The following PHF12 variants were observed in gnomAD, a reference collection of about 807,000 sequenced individuals.
The protein encoded by PHF12 is PHD finger protein 12.
A neutral mutation model predicts 99.8 loss-of-function variants in PHF12; 6 were observed. The ratio of observed to expected loss-of-function variants is 0.06; its 90% confidence interval spans 0.03 to 0.12. The LOEUF is 0.12. Among genes scored for constraint, PHF12 ranks in the 10% least tolerant of loss-of-function variants. The pLI is 1.00. For synonymous variants in PHF12, 480 were observed against 514.9 expected, an observed-to-expected ratio of 0.93 and a Z score of 0.92; for missense variants, 954 against 1,300.1, an observed-to-expected ratio of 0.73 and a Z score of 4.09.
chr17:28,950,386 T>A lies in PHF12; in HGVS notation c.67-140A>T. On this transcript the variant is annotated intron_variant, in intron 1 of 14. Coordinates refer to ENST00000332830, the MANE Select transcript of PHF12 (RefSeq NM_001033561.2). This position sits in a 1 kb window ranked among gnomAD's most constrained non-coding sequence, Gnocchi z 5.7. ...TCCCATCCAGGCTGCTCCCAGAATC[T>A]CTCAGCCCCCGGAACCAGGGGGAGC... is the stretch of plus-strand genomic sequence containing the variant. 2 of 980,814 alleles carry A rather than the reference T, an allele frequency of 2.0e-6. No homozygotes were observed. Among genetic ancestry groups the A allele is most frequent in the Non-Finnish European group, 2.9e-6 (2 of 687,064 alleles). 60.8% of individuals were successfully genotyped at this position (980,814 alleles called of 1,614,324 possible).
At position 28,951,296 on chromosome 17, in the gene PHF12, C is replaced by A. The variant is rs989036690; in HGVS notation, c.-336G>T. The A allele has an allele frequency of 2.0e-5, 22 of 1,108,432 alleles. No homozygotes were observed. The highest frequency in any genetic ancestry group is 2.3e-5 in the Non-Finnish European group (21 of 906,090). 68.7% of individuals were successfully genotyped at this position (1,108,432 alleles called of 1,614,324 possible). A position where few individuals can be genotyped will look rare whatever the true frequency, so the allele number is the denominator to read the frequency against. ...CAGCCGGTCCGGCCGGGAAGGCTGG[C>A]GGGCGCTGCCATCCCGGGGCTGGGG... On this transcript the variant is annotated 5_prime_UTR_variant, in exon 1 of 15. Transcript: ENST00000332830.
rs182252834 is a variant in PHF12, at chr17:28,946,642, A to T, written c.248+3423T>A. Among the ~76,000 whole-genome samples the T allele has an allele frequency of 4.6e-5, 7 of 152,362 alleles. No homozygotes were observed. The East Asian group carries it at 1.3e-3, about 29-fold the overall frequency. On this transcript the variant is annotated intron_variant, in intron 2 of 14. Transcript: ENST00000332830. ...AAAGACTTATCCCACAGAGCTTTGG[A>T]TAGAGAACCACAGCAGCACTGCAAT...
rs1048941328 is a variant in PHF12, at chr17:28,917,224, C to T, written c.1134+61G>A. 2.5e-5 allele frequency: 41 copies of T among 1,608,164 alleles called. No individual in the cohort carries two copies. In the Middle Eastern group the frequency reaches 6.6e-4, roughly 26 times the overall value. On this transcript the variant is annotated intron_variant, in intron 7 of 14. Coordinates refer to ENST00000332830, the MANE Select transcript of PHF12 (RefSeq NM_001033561.2). The stretch of plus-strand genomic sequence containing the variant: ...TGCCTGTAAAATTGGGACAGTGATC[C>T]TCTGTCTAACCCATGATGGCAGGCA...
Position 28,912,486 on chromosome 17 carries a change from C to A in PHF12, c.2085G>T (p.Ser695=). ...ANQRFSSPAP[S]SDGKVSPGTL... The stretch of plus-strand genomic sequence containing the variant: ...CCAAGGCTGAGCAGCACTCACCTGA[C>A]GATGGCGCTGGTGAGCTGAATCGTT... The change falls in exon 9 of 15, where the codon TCG becomes TCT. Residue 695 remains serine, a synonymous_variant. Transcript: ENST00000332830. 1 of 1,592,118 alleles carries A rather than the reference C, an allele frequency of 6.3e-7. No homozygotes were observed. Among genetic ancestry groups the A allele is most frequent in the Non-Finnish European group, 8.6e-7 (1 of 1,166,222 alleles).
rs753332010 is a variant in PHF12 at position 28,912,804 on chromosome 17, C to T, written c.1767G>A (p.Ala589=). ...CGGTGTGGTTCTGAAGGCCCCCAGC[C>T]GCTGGTGGCGTGAGGGGCCGGGGCC... ...QGWPRPLTPP[A]AGGLQNHTVG... Residue 589 remains alanine, a synonymous_variant, in exon 9 of 15, where the codon GCG becomes GCA. Transcript: ENST00000332830. The T allele has an allele frequency of 1.7e-5, 28 of 1,608,670 alleles. No homozygotes were observed. Among genetic ancestry groups the T allele is most frequent in the African/African-American group, 5.4e-5 (4 of 74,748 alleles).
At chr17:28,909,779 T>C (rs1377797226) in intron 11 of PHF12, 1 of 421,050 alleles carries the variant, frequency 2.4e-6, no homozygotes, top group Non-Finnish European at 4.3e-6. Flanking sequence ...TTTGTAGAGA[T>C]AGGGTCTCAC....
Position 28,926,999 on chromosome 17 carries a change from G to A in PHF12, c.313C>T (p.Arg105Cys), listed in dbSNP as rs2040292050. ...GEWMCHRCTV[R>C]RKKREQKKEL... ...GAAAGCAGCATTATTACCTTTCGGC[G>A]AACAGTGCACCGGTGACACATCCAC... Residue 105 changes from arginine (R) to cysteine (C), a missense_variant, in exon 3 of 15, where the codon CGC becomes TGC. Physicochemically the swap from Arg to Cys is radical, Grantham distance 180. Transcript: ENST00000332830. The A allele has an allele frequency of 1.2e-5, 19 of 1,614,046 alleles. No homozygotes were observed. Among genetic ancestry groups the A allele is most frequent in the Non-Finnish European group, 1.6e-5 (19 of 1,179,922 alleles).
At chr17:28,937,970 T>C (rs1417634296) in intron 2 of PHF12, among the ~76,000 whole-genome samples, 1 of 152,142 alleles carries the variant, frequency 6.6e-6, no homozygotes, top group Non-Finnish European at 1.5e-5. Flanking sequence ...GAACATTCCA[T>C]TGGAAGGAAG....
At chr17:28,918,737 T>C (rs569217701) in intron 6 of PHF12, among the ~76,000 whole-genome samples, 5 of 152,298 alleles carry the variant, frequency 3.3e-5, no homozygotes, top group South Asian at 2.1e-4. Flanking sequence ...GAGAAAGCAA[T>C]AGGACCTTCA....
Position 28,951,505 on chromosome 17 carries a change from G to GA in PHF12, c.-546dup, listed in dbSNP as rs1159571960. 6.1e-6 allele frequency: 6 copies of GA among 981,710 alleles called. No homozygotes were observed. The highest frequency in any genetic ancestry group is 6.3e-5 in the Admixed American group (1 of 16,000). The allele number at this position is 981,710 out of a possible 1,614,324, so 60.8% of individuals were successfully genotyped here. A position where few individuals can be genotyped will look rare whatever the true frequency, so the allele number is the denominator to read the frequency against. On this transcript the variant is annotated 5_prime_UTR_variant, in exon 1 of 15. Transcript: ENST00000332830. The stretch of plus-strand genomic sequence containing the variant: ...AAAGCCACCCGCGCAGGCGCCCCGG[G>GA]ATCGGCGCTCGCCGCGCGCAACCGC...
At chr17:28,935,603 T>G (rs1322616599) in intron 2 of PHF12, among the ~76,000 whole-genome samples, 1 of 152,172 alleles carries the variant, frequency 6.6e-6, no homozygotes, top group Non-Finnish European at 1.5e-5. Context: ...TACCTGATCT[T>G]AAAGACATGC....
At chr17:28,910,664 G>A (rs1034920226) in intron 10 of PHF12, 5 of 460,052 alleles carry the variant, frequency 1.1e-5, no homozygotes, top group South Asian at 2.5e-5. Context: ...GCCTGTCTGT[G>A]GGGGAGGGCC....
At chr17:28,929,863 C>T (rs1012991821) in intron 2 of PHF12, 2 of 152,182 alleles carry the variant, frequency 1.3e-5, no homozygotes, top group Non-Finnish European at 2.9e-5. Flanking sequence ...CTACAAAAGG[C>T]CACATCTAAA....
intron 11 of PHF12, chr17:28,909,108 A>G: frequency 1.8e-6 from 1 of 540,936 alleles, no homozygotes. Flanking sequence ...GAAGATGGTC[A>G]GAGAAGTCAG....
chr17:28,950,633 G>A lies in PHF12; in HGVS notation c.66+262C>T. ...GGGCCAACAAGAAGGGGGTGGGGAG[G>A]CCTGCCGGTGCAACGAGATGGAGTG... On this transcript the variant is annotated intron_variant, in intron 1 of 14. Transcript: ENST00000332830. The surrounding 1 kb of genome is among the most constrained non-coding windows in gnomAD (Gnocchi z 5.7). 1 of 545,182 alleles carries A rather than the reference G, an allele frequency of 1.8e-6. No individual in the cohort carries two copies. 33.8% of individuals were successfully genotyped at this position (545,182 alleles called of 1,614,324 possible). A position where few individuals can be genotyped will look rare whatever the true frequency, so the allele number is the denominator to read the frequency against.
chr17:28,914,794 G>A (rs957231560), intron 7 of PHF12, among the ~76,000 whole-genome samples: 5 of 148,660 alleles, frequency 3.4e-5, no homozygotes, highest in Admixed American at 1.3e-4. Flanking sequence ...AACTAAAGAC[G>A]TCTTTGTGCA....
chr17:28,935,929 T>C (rs2040500662), intron 2 of PHF12, among the ~76,000 whole-genome samples: 1 of 152,234 alleles, frequency 6.6e-6, no homozygotes, highest in African/African-American at 2.4e-5. Context: ...CTGTAATGCC[T>C]ATACTGACAG....
chr17:28,942,546 G>A lies in PHF12; in HGVS notation c.248+7519C>T, dbSNP rs562767577. Among the ~76,000 whole-genome samples the A allele has an allele frequency of 2.6e-4, 40 of 152,058 alleles. No homozygotes were observed. The South Asian group carries it at 6.4e-3, about 24-fold the overall frequency. On this transcript the variant is annotated intron_variant, in intron 2 of 14. Coordinates refer to ENST00000332830, the MANE Select transcript of PHF12 (RefSeq NM_001033561.2). ...AAAAATAAATAAATAGGCCAGGTGC[G>A]GTGGCTCACACCTGTAATCCCAGCA...
chr17:28,906,167 G>T lies in PHF12; in HGVS notation c.*16C>A, dbSNP rs771314052. On this transcript the variant is annotated 3_prime_UTR_variant, in exon 15 of 15. Transcript: ENST00000332830. This position sits in a 1 kb window ranked among gnomAD's most constrained non-coding sequence, Gnocchi z 4.2. ...TTGGGTGGGTGTACAGGCCAGTGGCGGGGTAGCCGCCAGTCCTAAGGAACA... is the reference window on the plus strand; with the variant it reads ...TTGGGTGGGTGTACAGGCCAGTGGCTGGGTAGCCGCCAGTCCTAAGGAACA... 3.2e-6 allele frequency: 5 copies of T among 1,551,956 alleles called. No individual in the cohort carries two copies. Among genetic ancestry groups the T allele is most frequent in the Non-Finnish European group, 3.5e-6 (4 of 1,143,868 alleles).
Sources: gnomAD v4.1 joint callset for allele counts (sites outside exome capture counted in the v4.1 genomes callset) on GRCh38, gnomAD v4.1.1 for gene constraint, Gnocchi (gnomAD v3.1) non-coding constraint, MANE v1.5 for transcripts, NCBI Gene and HGNC (gene_info 2026-07-23, HGNC 2026-07-21) for gene names.